HS3ST4: variants seen among roughly 807,000 people sequenced by gnomAD.
The protein encoded by HS3ST4 is heparan sulfate glucosamine 3-O-sulfotransferase 4.
In HS3ST4, 17 loss-of-function variants were observed where a neutral mutation model predicts 29.2. That is an observed-to-expected ratio of 0.58 (90% CI 0.40 to 0.87). HS3ST4 has a LOEUF of 0.87. Ranked by LOEUF, HS3ST4 falls within the 40% of genes least tolerant of loss-of-function variation. The pLI is 0.00. For synonymous variants in HS3ST4, 314 were observed against 285.7 expected (o/e 1.10, Z -1.00); for missense variants, 627 against 634.5 (o/e 0.99, Z 0.13).
intron 1 of HS3ST4, among the ~76,000 whole-genome samples, chr16:25,942,479 G>C (rs2141692887): frequency 6.6e-6 from 1 of 152,228 alleles, no homozygotes; most frequent in East Asian, 1.9e-4. Context: ...TTCTCAAAGA[G>C]TACTGAAAAA....
intron 1 of HS3ST4, among the ~76,000 whole-genome samples, chr16:26,016,063 C>G (rs927753003): frequency 1.1e-4 from 16 of 152,168 alleles, no homozygotes; most frequent in African/African-American, 3.9e-4. Flanking sequence ...AGTATCTGTA[C>G]TGGTGAGGCC....
intron 1 of HS3ST4, among the ~76,000 whole-genome samples, chr16:25,918,167 C>A (rs1968311637): frequency 6.6e-6 from 1 of 152,144 alleles, no homozygotes; most frequent in Non-Finnish European, 1.5e-5. Flanking sequence ...GTAGAATAAT[C>A]TTTTTTTACT....
intron 1 of HS3ST4, among the ~76,000 whole-genome samples, chr16:25,869,416 C>A (rs533038556): frequency 1.1e-4 from 16 of 152,292 alleles, no homozygotes; most frequent in South Asian, 4.1e-4. Context: ...CCCTCAGGTT[C>A]AGATCCAAGT....
At chr16:26,030,740 A>G (rs897710116) in intron 1 of HS3ST4, among the ~76,000 whole-genome samples, 3 of 152,186 alleles carry the variant, frequency 2.0e-5, no homozygotes, top group African/African-American at 4.8e-5. Context: ...GTATCATTTC[A>G]TAGAATAAAT....
At chr16:25,775,591 C>T (rs1473558834) in intron 1 of HS3ST4, among the ~76,000 whole-genome samples, 1 of 152,232 alleles carries the variant, frequency 6.6e-6, no homozygotes, top group African/African-American at 2.4e-5. Flanking sequence ...CTCGTAATCA[C>T]TTTCCCCTGA....
intron 1 of HS3ST4, among the ~76,000 whole-genome samples, chr16:26,120,338 C>T (rs567842863): frequency 6.6e-6 from 1 of 152,232 alleles, no homozygotes; most frequent in South Asian, 2.1e-4. Flanking sequence ...GTAGGATACA[C>T]TAATTAATTT....
At chr16:25,740,009 C>CT (rs1442593722) in intron 1 of HS3ST4, among the ~76,000 whole-genome samples, 4 of 152,206 alleles carry the variant, frequency 2.6e-5, no homozygotes, top group Admixed American at 2.0e-4. Context: ...CTTTTTCTTC[C>CT]TTTTTTTCTT....
At chr16:25,739,339 C>G (rs1428413508) in intron 1 of HS3ST4, among the ~76,000 whole-genome samples, 1 of 152,102 alleles carries the variant, frequency 6.6e-6, no homozygotes, top group Admixed American at 6.6e-5. Context: ...GAAACTCTGT[C>G]TCAAAAAACA....
intron 1 of HS3ST4, among the ~76,000 whole-genome samples, chr16:25,916,673 C>CTTTTTT (rs34339195): frequency 1.1e-4 from 10 of 92,160 alleles, no homozygotes; most frequent in South Asian, 3.7e-4. Context: ...CAAATGCATT[C>CTTTTTT]TTTTTTTTTT....
rs538465381 is a variant in HS3ST4 at position 25,873,471 on chromosome 16, C to T, written c.734+180320C>T. Among the ~76,000 whole-genome samples the T allele has an allele frequency of 1.2e-3, 105 of 90,898 alleles. 1 individual carries two copies. The highest frequency in any genetic ancestry group is 4.3e-3 in the African/African-American group (99 of 23,142). The allele number at this position is 90,898 out of a possible 152,430, so 59.6% of individuals were successfully genotyped here. A position where few individuals can be genotyped will look rare whatever the true frequency, so the allele number is the denominator to read the frequency against. On this transcript the variant is annotated intron_variant, in intron 1 of 1. Transcript: ENST00000331351. ...CCACCCATCCATTTACCCACCCATCCATCTATCTCTCTATCTATCTATCTA... is the reference window on the plus strand; with the variant it reads ...CCACCCATCCATTTACCCACCCATCTATCTATCTCTCTATCTATCTATCTA...
At chr16:25,817,302 G>A (rs924430800) in intron 1 of HS3ST4, among the ~76,000 whole-genome samples, 3 of 152,138 alleles carry the variant, frequency 2.0e-5, no homozygotes, top group Non-Finnish European at 2.9e-5. Flanking sequence ...GTTTCAGAAC[G>A]CCACTACTCC....
intron 1 of HS3ST4, among the ~76,000 whole-genome samples, chr16:25,775,036 G>C (rs4267309): frequency 0.67 from 101,224 of 152,112 alleles, 33,980 homozygotes; most frequent in Middle Eastern, 0.73. Context: ...TTATGCAGGG[G>C]CCTTGGTGAC....
chr16:25,875,418 G>A (rs1208141018), intron 1 of HS3ST4, among the ~76,000 whole-genome samples: 2 of 152,168 alleles, frequency 1.3e-5, no homozygotes, highest in Non-Finnish European at 2.9e-5. Context: ...CAGGCTGCAA[G>A]TCTGTGCTGA....
chr16:25,974,189 A>G (rs1968921923), intron 1 of HS3ST4, among the ~76,000 whole-genome samples: 1 of 152,162 alleles, frequency 6.6e-6, no homozygotes, highest in Non-Finnish European at 1.5e-5. Context: ...CATTTCTCTT[A>G]GCTGTATTTA....
At chr16:26,111,716 G>A (rs1411510068) in intron 1 of HS3ST4, among the ~76,000 whole-genome samples, 2 of 152,074 alleles carry the variant, frequency 1.3e-5, no homozygotes, top group Admixed American at 1.3e-4. Flanking sequence ...TAATGAAAAT[G>A]TTTTTAAAAA....
chr16:25,990,650 G>A (rs1969106292), intron 1 of HS3ST4, among the ~76,000 whole-genome samples: 1 of 152,108 alleles, frequency 6.6e-6, no homozygotes, highest in Non-Finnish European at 1.5e-5. Context: ...CATGATTCAG[G>A]GGCTATTATT....
intron 1 of HS3ST4, among the ~76,000 whole-genome samples, chr16:26,015,557 C>G (rs1969354911): frequency 6.6e-6 from 1 of 152,196 alleles, no homozygotes; most frequent in Non-Finnish European, 1.5e-5. Flanking sequence ...TGACTGAACT[C>G]AAATTCTGGT....
intron 1 of HS3ST4, among the ~76,000 whole-genome samples, chr16:25,772,367 G>C (rs1966843684): frequency 6.6e-6 from 1 of 152,132 alleles, no homozygotes; most frequent in Admixed American, 6.5e-5. Context: ...TAGAGCTATG[G>C]TTATGTTTTG....
chr16:25,828,290 T>G (rs1486447845), intron 1 of HS3ST4, among the ~76,000 whole-genome samples: 9 of 69,512 alleles, frequency 1.3e-4, no homozygotes, highest in African/African-American at 3.7e-4. Context: ...CTTTCTTTCT[T>G]TCTTTCTTTC....
Sources: gnomAD v4.1 joint callset for allele counts (sites outside exome capture counted in the v4.1 genomes callset) on GRCh38, gnomAD v4.1.1 for gene constraint, MANE v1.5 for transcripts, NCBI Gene and HGNC (gene_info 2026-07-23, HGNC 2026-07-21) for gene names.